Variants in MIER2 observed in about 807,000 individuals in gnomAD.
MIER2 encodes MIER family member 2, also known as mesoderm induction early response protein 2.
Under a neutral mutation model 67.6 loss-of-function variants are expected in MIER2, and 30 were observed. The ratio of observed to expected loss-of-function variants is 0.44; its 90% confidence interval spans 0.33 to 0.60. The LOEUF (loss-of-function observed/expected upper bound fraction) is 0.60. Ranked by LOEUF, MIER2 falls within the 20% of genes least tolerant of loss-of-function variation. The pLI is 0.02. For missense variants in MIER2, 702 were observed against 745.1 expected (o/e 0.94, Z 0.67); for synonymous variants, 372 against 312.6 (o/e 1.19, Z -2.00).
chr19:311,419 T>C (rs1216601634), intron 10 of MIER2, among the ~76,000 whole-genome samples: 1 of 152,064 alleles, frequency 6.6e-6, no homozygotes, highest in Non-Finnish European at 1.5e-5. Flanking sequence ...TGAGGGTTTG[T>C]CCCGGGTGGC....
chr19:306,508 G>C lies in MIER2; in HGVS notation c.*182C>G. The C allele has an allele frequency of 1.2e-6, 1 of 820,550 alleles. No homozygotes were observed. The highest frequency in any genetic ancestry group is 1.7e-5 in the South Asian group (1 of 57,980). 50.8% of individuals were successfully genotyped at this position (820,550 alleles called of 1,614,324 possible). On this transcript the variant is annotated 3_prime_UTR_variant, in exon 14 of 14. Coordinates refer to ENST00000264819, the MANE Select transcript of MIER2 (RefSeq NM_017550.3). ...GGGTGGGGCCGTGGGTCCATTCTGT[G>C]TGGACAGGGGCAAGGGCTCACGGCC...
intron 7 of MIER2, among the ~76,000 whole-genome samples, chr19:316,575 C>A (rs927089406): frequency 2.6e-5 from 4 of 152,192 alleles, no homozygotes; most frequent in African/African-American, 9.7e-5. Flanking sequence ...TAGGCATGAG[C>A]CACCACAGCC....
intron 10 of MIER2, among the ~76,000 whole-genome samples, chr19:309,919 C>T (rs1397030619): frequency 1.6e-5 from 2 of 121,662 alleles, no homozygotes; most frequent in Admixed American, 1.6e-4. Context: ...GACACACACA[C>T]ACACGCACAC....
chr19:342,487 C>A (rs1214627571), intron 1 of MIER2, among the ~76,000 whole-genome samples: 3 of 151,696 alleles, frequency 2.0e-5, no homozygotes, highest in African/African-American at 7.3e-5. Flanking sequence ...TCCGTGGGGA[C>A]CACCTCACAG....
rs4897852 is a variant in MIER2, at chr19:323,343, G to A, written c.655+2292C>T. Among the ~76,000 whole-genome samples, 3 of 145,176 alleles carry A rather than the reference G, an allele frequency of 2.1e-5. 1 individual carries two copies. The highest frequency in any genetic ancestry group is 1.5e-5 in the Non-Finnish European group (1 of 65,994). ...ATACAACCACGCAGACGACTCGAAT[G>A]ACACAGACATCATCACAATGCAGTA... On this transcript the variant is annotated intron_variant, in intron 7 of 13. Transcript: ENST00000264819.
chr19:337,955 C>G (rs911549655), intron 1 of MIER2, among the ~76,000 whole-genome samples: 2 of 148,164 alleles, frequency 1.3e-5, no homozygotes, highest in South Asian at 2.1e-4. Flanking sequence ...GGGCAGATCA[C>G]GAGGTCAGCA....
In MIER2 at chr19:313,573, C is replaced by A. The variant is rs142323755; in HGVS notation, c.726G>T (p.Leu242=). Residue 242 remains leucine (L), a synonymous_variant, in exon 8 of 14, where the codon CTG becomes CTT. Transcript: ENST00000264819. Reference sequence around the variant, plus strand: ...GCCAACGCCGCTTCACCGCCCTGTACAGGAACTCCTCCACCTCCCTCTCAG... The same window carrying A: ...GCCAACGCCGCTTCACCGCCCTGTAAAGGAACTCCTCCACCTCCCTCTCAG... ...VLPEREVEEF[L]YRAVKRRWHE... is the part of the protein sequence containing the mutation. The A allele has an allele frequency of 6.2e-7, 1 of 1,613,326 alleles. No individual in the cohort carries two copies. The highest frequency in any genetic ancestry group is 1.3e-5 in the African/African-American group (1 of 74,928).
In MIER2 at chr19:307,519, CATCCA is replaced by C. The variant is rs771639928; in HGVS notation, c.1211_1215del (p.Val404GlyfsTer8). ...GGCTCATCGAGACCACCGGCCGTGC[CATCCA>C]CGCTCAGTGGATCTGTGAAAGAGAA... On this transcript the variant is annotated frameshift_variant, in exon 13 of 14. Coordinates refer to ENST00000264819, the MANE Select transcript of MIER2 (RefSeq NM_017550.3). LOFTEE classifies it high-confidence loss of function. 6.6e-7 allele frequency: 1 copy of C among 1,509,442 alleles called. No individual in the cohort carries two copies. The highest frequency in any genetic ancestry group is 8.8e-7 in the Non-Finnish European group (1 of 1,135,188). The allele number at this position is 1,509,442 out of a possible 1,614,324, so 93.5% of individuals were successfully genotyped here.
chr19:334,469 C>T lies in MIER2; in HGVS notation c.174G>A (p.Gly58=), dbSNP rs781659701. The change falls in exon 3 of 14, where the codon GGG becomes GGA. Residue 58 remains glycine (G), a synonymous_variant. Transcript: ENST00000264819. ...GGCACCTCGAGGCCTCCTCGCACTC[C>T]CCCCTAACACTGTAGTTCTGTGACA... The part of the protein sequence containing the change: ...EILSQNYSVR[G]ECEEASRCPD... 6.2e-7 allele frequency: 1 copy of T among 1,614,152 alleles called. No individual in the cohort carries two copies. Among genetic ancestry groups the T allele is most frequent in the Admixed American group, 1.7e-5 (1 of 60,014 alleles).
intron 10 of MIER2, 69 bp downstream of exon 10, chr19:311,776 T>C: frequency 6.8e-7 from 1 of 1,481,316 alleles, no homozygotes; most frequent in Non-Finnish European, 9.4e-7. Context: ...GTGTGCTGTG[T>C]GCCTGCGGAC....
chr19:320,028 C>T (rs1291619220), intron 7 of MIER2, among the ~76,000 whole-genome samples: 1 of 152,144 alleles, frequency 6.6e-6, no homozygotes, highest in East Asian at 1.9e-4. Context: ...GGATACACAG[C>T]ATTTTCATCA....
At chr19:325,759 G>C (rs1424371827) in intron 6 of MIER2, 55 bp from the exon 7 acceptor site, 12 of 1,599,752 alleles carry the variant, frequency 7.5e-6, no homozygotes, top group Middle Eastern at 3.3e-4. Flanking sequence ...GGCCGGGCGG[G>C]AGGCTGGCTG....
rs761742967 is a variant in MIER2 at position 306,666 on chromosome 19, G to A, written c.*24C>T. 67 of 1,552,696 alleles carry A rather than the reference G, an allele frequency of 4.3e-5. No homozygotes were observed. The highest frequency in any genetic ancestry group is 5.2e-5 in the Non-Finnish European group (60 of 1,147,862). On this transcript the variant is annotated 3_prime_UTR_variant, in exon 14 of 14. Coordinates refer to ENST00000264819, the MANE Select transcript of MIER2 (RefSeq NM_017550.3). ...GGCAGCGCTAAGTCCAGTCTGGGCC[G>A]CATACGCCGCCCGCGGCCAGGAGTC...
At chr19:344,117 T>C in intron 1 of MIER2, 1 of 985,404 alleles carries the variant, frequency 1.0e-6, no homozygotes, top group Non-Finnish European at 1.2e-6. Context: ...GCTCCAGAAG[T>C]AACTTCGTGC....
At chr19:330,555 GAA>G (rs560773666) in intron 3 of MIER2, among the ~76,000 whole-genome samples, 2 of 73,856 alleles carry the variant, frequency 2.7e-5, no homozygotes, top group South Asian at 9.7e-4. Flanking sequence ...TCAAAAAAAA[GAA>G]AAAAAAAAAA....
chr19:342,226 G>A (rs1395607517), intron 1 of MIER2, among the ~76,000 whole-genome samples: 3 of 152,196 alleles, frequency 2.0e-5, no homozygotes, highest in Admixed American at 6.5e-5. Flanking sequence ...GCAAGGCAGT[G>A]GCGTGGTGGT....
rs955347996 is a variant in MIER2, at chr19:311,914, C to T, written c.915G>A (p.Glu305=). The T allele has an allele frequency of 1.2e-5, 20 of 1,613,980 alleles. No individual in the cohort carries two copies. Among genetic ancestry groups the T allele is most frequent in the African/African-American group, 1.2e-4 (9 of 74,936 alleles). ...AGCCGTGCTCAAAGTTCCTGCACTC[C>T]TCTTCACTCCAAGCACAGAGCCCAT... ...IRDGLCAWSE[E]ECRNFEHGFR... is the part of the protein sequence containing the mutation. The change falls in exon 10 of 14, where the codon GAG becomes GAA. Residue 305 remains glutamate (E), a synonymous_variant. Transcript: ENST00000264819.
At chr19:320,944 C>G (rs1484844407) in intron 7 of MIER2, among the ~76,000 whole-genome samples, 1 of 152,176 alleles carries the variant, frequency 6.6e-6, no homozygotes, top group African/African-American at 2.4e-5. Flanking sequence ...GAACACCAGA[C>G]AGAACGTCGG....
chr19:316,354 G>A (rs1403071963), intron 7 of MIER2, among the ~76,000 whole-genome samples: 1 of 151,998 alleles, frequency 6.6e-6, no homozygotes, highest in Non-Finnish European at 1.5e-5. Context: ...GTGCAGTGGT[G>A]CGATCTTGGC....
Sources: gnomAD v4.1 joint callset for allele counts (sites outside exome capture counted in the v4.1 genomes callset) on GRCh38, gnomAD v4.1.1 for gene constraint, MANE v1.5 for transcripts, NCBI Gene and HGNC (gene_info 2026-07-23, HGNC 2026-07-21) for gene names.